Variants in C20orf204 observed in about 807,000 individuals in gnomAD.
C20orf204 encodes uncharacterized protein C20orf204.
C20orf204 carries 6 observed loss-of-function variants against 3.6 expected under a neutral mutation model. The observed-to-expected ratio is 1.68, with a 90% CI of 0.92 to 3.31. C20orf204 has a LOEUF of 3.31. Ranked by LOEUF, C20orf204 falls within the 30% of genes most tolerant of loss-of-function variation. C20orf204 has a pLI of 0.00. For synonymous variants in C20orf204, 80 were observed against 41.4 expected (o/e 1.93, Z -3.58); for missense variants, 167 against 89.7 (o/e 1.86, Z -3.48).
At chr20:64,035,595 A>ATCG (rs2059335037), upstream of C20orf204, 1 of 152,298 alleles carries the variant, frequency 6.6e-6, no homozygotes, top group Admixed American at 6.5e-5. Context: ...GCAGCCAAGG[A>ATCG]TCGGGGGAGC....
At chr20:64,035,399 G>T (rs1353170792), upstream of C20orf204, 1 of 152,260 alleles carries the variant, frequency 6.6e-6, no homozygotes, top group Non-Finnish European at 1.5e-5. Context: ...TGTGTGGTCT[G>T]TTCTTGACTA....
upstream of C20orf204, chr20:64,035,068 G>A (rs1405030129): frequency 6.6e-6 from 1 of 152,282 alleles, no homozygotes; most frequent in Non-Finnish European, 1.5e-5. Context: ...ATGTGTGAGT[G>A]TCTCCTCTTT....
At chr20:64,038,515 G>A (rs2059347436) in intron 3 of C20orf204, 67 bp downstream of exon 3, 3 of 607,920 alleles carry the variant, frequency 4.9e-6, no homozygotes, top group East Asian at 3.1e-5. Context: ...CGCGCGTCCC[G>A]GGGCTCCACG....
rs2059344653 is a variant in C20orf204, at chr20:64,038,117, A to C, written c.194A>C (p.His65Pro). ...GAEKTRPGSR[H>P]FHFIQKNLTR... ...GAAAAGACCAGGCCAGGCTCCAGAC[A>C]CTTTCATTTCATACAGAAAAACCTG... The change falls in exon 2 of 4, where the codon CAC (histidine) becomes CCC (proline). Residue 65 changes from histidine to proline, a missense_variant. His to Pro is a moderately conservative substitution (Grantham distance 77). Transcript: ENST00000636176. 2 of 537,304 alleles carry C rather than the reference A, an allele frequency of 3.7e-6. No individual in the cohort carries two copies. The highest frequency in any genetic ancestry group is 6.7e-6 in the Non-Finnish European group (2 of 297,154). 33.3% of individuals were successfully genotyped at this position (537,304 alleles called of 1,614,324 possible).
chr20:64,038,474 G>T lies in C20orf204; in HGVS notation c.432+26G>T, dbSNP rs376696634. ...GTGTGCGTCCCTGAGTGCACCCAGA[G>T]CCAGACCTCCCTTAACCCCCACAGG... On this transcript the variant is annotated intron_variant, in intron 3 of 3. Transcript: ENST00000636176. 82 of 726,490 alleles carry T rather than the reference G, an allele frequency of 1.1e-4. No homozygotes were observed. In the African/African-American group the frequency reaches 1.2e-3, roughly 11 times the overall value. 45.0% of individuals were successfully genotyped at this position (726,490 alleles called of 1,614,324 possible). A position where few individuals can be genotyped will look rare whatever the true frequency, so the allele number is the denominator to read the frequency against.
chr20:64,037,642 C>CA (rs1274119209), intron 1 of C20orf204: 8 of 333,784 alleles, frequency 2.4e-5, no homozygotes, highest in Non-Finnish European at 3.8e-5. Flanking sequence ...CTTCAGGACT[C>CA]AGTGACATCG....
At position 64,038,145 on chromosome 20, in the gene C20orf204, T is replaced by C. The variant is rs1313458811; in HGVS notation, c.222T>C (p.Thr74=). ...RHFHFIQKNL[T]RPGSSGRRGR... is the part of the protein sequence containing the mutation. ...TTCATTTCATACAGAAAAACCTGAC[T>C]AGACCCGGGAGCTCGGGACGGCGGG... The change falls in exon 2 of 4, where the codon ACT becomes ACC. Residue 74 remains threonine, a synonymous_variant. Transcript: ENST00000636176. 3.5e-6 allele frequency: 2 copies of C among 572,428 alleles called. No homozygotes were observed. The highest frequency in any genetic ancestry group is 6.9e-5 in the Admixed American group (2 of 28,984). The allele number at this position is 572,428 out of a possible 1,614,324, so 35.5% of individuals were successfully genotyped here. A position where few individuals can be genotyped will look rare whatever the true frequency, so the allele number is the denominator to read the frequency against.
upstream of C20orf204, among the ~76,000 whole-genome samples, chr20:64,034,007 G>A (rs1162109231): frequency 6.6e-6 from 1 of 152,234 alleles, no homozygotes; most frequent in East Asian, 1.9e-4. Context: ...GCATTCAGTT[G>A]GGAGCCAGCT....
upstream of C20orf204, chr20:64,034,514 TG>T (rs1413443760): frequency 6.6e-6 from 1 of 152,292 alleles, no homozygotes; most frequent in Non-Finnish European, 1.5e-5. Context: ...GCAGGCAACC[TG>T]GGGTCCAGCT....
rs746071826 is a variant in C20orf204 at position 64,038,334 on chromosome 20, G to C, written c.318G>C (p.Arg106=). 3.0e-5 allele frequency: 23 copies of C among 762,872 alleles called. No individual in the cohort carries two copies. The highest frequency in any genetic ancestry group is 4.6e-5 in the Non-Finnish European group (19 of 410,964). The allele number at this position is 762,872 out of a possible 1,614,324, so 47.3% of individuals were successfully genotyped here. The change falls in exon 3 of 4, where the codon CGG becomes CGC. Residue 106 remains arginine, a synonymous_variant. Coordinates refer to ENST00000636176, the MANE Select transcript of C20orf204 (RefSeq NM_001387010.1). ...SILLSISSLG[R]TLRGAVAGGR... is the part of the protein sequence containing the mutation. ...TCCTGTCCATCTCGTCCCTGGGTCG[G>C]ACCCTGCGCGGGGCGGTGGCCGGGG...
At chr20:64,033,874 C>G (rs2059328784), upstream of C20orf204, among the ~76,000 whole-genome samples, 1 of 152,250 alleles carries the variant, frequency 6.6e-6, no homozygotes, top group South Asian at 2.1e-4. Flanking sequence ...GTTCTCATCT[C>G]CAGGTTGAAC....
chr20:64,038,328 G>C lies in C20orf204; in HGVS notation c.312G>C (p.Leu104=), dbSNP rs1414288442. The C allele has an allele frequency of 1.3e-6, 1 of 762,738 alleles. No individual in the cohort carries two copies. Among genetic ancestry groups the C allele is most frequent in the Non-Finnish European group, 2.4e-6 (1 of 410,818 alleles). 47.2% of individuals were successfully genotyped at this position (762,738 alleles called of 1,614,324 possible). A position where few individuals can be genotyped will look rare whatever the true frequency, so the allele number is the denominator to read the frequency against. Residue 104 remains leucine (L), a synonymous_variant, in exon 3 of 4, where the codon CTG becomes CTC. Transcript: ENST00000636176. The stretch of plus-strand genomic sequence containing the variant: ...GTATCCTCCTGTCCATCTCGTCCCT[G>C]GGTCGGACCCTGCGCGGGGCGGTGG... The part of the protein sequence containing the change: ...EHSILLSISS[L]GRTLRGAVAG...
Position 64,038,136 on chromosome 20 carries a change from A to T in C20orf204, c.213A>T (p.Lys71Asn), listed in dbSNP as rs1294334063. 1 of 561,396 alleles carries T rather than the reference A, an allele frequency of 1.8e-6. No individual in the cohort carries two copies. The highest frequency in any genetic ancestry group is 3.2e-6 in the Non-Finnish European group (1 of 309,578). The allele number at this position is 561,396 out of a possible 1,614,324, so 34.8% of individuals were successfully genotyped here. ...PGSRHFHFIQ[K>N]NLTRPGSSGR... ...CCAGACACTTTCATTTCATACAGAA[A>T]AACCTGACTAGACCCGGGAGCTCGG... Residue 71 changes from lysine to asparagine, a missense_variant, in exon 2 of 4, where the codon AAA becomes AAT. Transcript: ENST00000636176.
upstream of C20orf204, chr20:64,034,716 GA>G: frequency 6.5e-6 from 1 of 152,756 alleles, no homozygotes. Flanking sequence ...TGGAGTTTGT[GA>G]AGTCAGCCCG....
At position 64,037,956 on chromosome 20, in the gene C20orf204, C is replaced by G. The variant is rs549257487; in HGVS notation, c.33C>G (p.Leu11=). 9 of 492,898 alleles carry G rather than the reference C, an allele frequency of 1.8e-5. No homozygotes were observed. The Admixed American group carries it at 3.2e-4, about 18-fold the overall frequency. 30.5% of individuals were successfully genotyped at this position (492,898 alleles called of 1,614,324 possible). A position where few individuals can be genotyped will look rare whatever the true frequency, so the allele number is the denominator to read the frequency against. Residue 11 remains leucine (L), a synonymous_variant, in exon 2 of 4, where the codon CTC becomes CTG. Transcript: ENST00000636176. MVPPKPALWA[L]LLALLGTAPS... is the part of the protein sequence containing the mutation. ...CCCCTAAGCCTGCACTCTGGGCGCT[C>G]CTGCTGGCGCTGCTGGGGACCGCGC...
Position 64,038,406 on chromosome 20 carries a change from C to T in C20orf204, c.390C>T (p.Arg130=), listed in dbSNP as rs2059346731. 1.3e-6 allele frequency: 1 copy of T among 770,514 alleles called. No homozygotes were observed. The highest frequency in any genetic ancestry group is 2.4e-6 in the Non-Finnish European group (1 of 414,916). The allele number at this position is 770,514 out of a possible 1,614,324, so 47.7% of individuals were successfully genotyped here. A position where few individuals can be genotyped will look rare whatever the true frequency, so the allele number is the denominator to read the frequency against. ...GAGCTGCTTGGACCGTGGCTGTGCG[C>T]ACCGAGGCGGTGATGCGGCGCCACT... ...LERAAWTVAV[R]TEAVMRRHCR... The change falls in exon 3 of 4, where the codon CGC becomes CGT. Residue 130 remains arginine, a synonymous_variant. Transcript: ENST00000636176.
At position 64,038,159 on chromosome 20, in the gene C20orf204, C is replaced by G. The variant is rs1189681206; in HGVS notation, c.236C>G (p.Ser79Trp). 1 of 580,670 alleles carries G rather than the reference C, an allele frequency of 1.7e-6. No individual in the cohort carries two copies. The highest frequency in any genetic ancestry group is 3.1e-6 in the Non-Finnish European group (1 of 320,084). 36.0% of individuals were successfully genotyped at this position (580,670 alleles called of 1,614,324 possible). The change falls in exon 2 of 4, where the codon TCG becomes TGG. Residue 79 changes from serine to tryptophan, a missense_variant. Ser to Trp is a radical substitution (Grantham distance 177). Coordinates refer to ENST00000636176, the MANE Select transcript of C20orf204 (RefSeq NM_001387010.1). Reference protein sequence around the residue: ...IQKNLTRPGSSGRRGRPRASC... With the variant: ...IQKNLTRPGSWGRRGRPRASC... ...AAAAACCTGACTAGACCCGGGAGCT[C>G]GGGACGGCGGGGACGGCCTCGGGCC... is the stretch of plus-strand genomic sequence containing the variant.
upstream of C20orf204, chr20:64,035,815 C>G (rs2059335816): frequency 6.6e-6 from 1 of 152,278 alleles, no homozygotes; most frequent in Non-Finnish European, 1.5e-5. Context: ...GGGCCTCCCA[C>G]CAGCTCTGCC....
upstream of C20orf204, chr20:64,036,012 C>T (rs550672170): frequency 3.3e-5 from 5 of 152,360 alleles, no homozygotes; most frequent in African/African-American, 1.2e-4. Flanking sequence ...AGCCCTGGAT[C>T]CCCTGGGAGA....
Sources: allele counts gnomAD v4.1 joint callset (sites outside exome capture counted in the v4.1 genomes callset), GRCh38; gene constraint gnomAD v4.1.1; transcripts MANE v1.5; gene names NCBI Gene and HGNC (gene_info 2026-07-23, HGNC 2026-07-21).